Variants in CPSF4 observed in about 807,000 individuals in gnomAD.
The protein encoded by CPSF4 is cleavage and polyadenylation specificity factor subunit 4.
Under a neutral mutation model 37.7 loss-of-function variants are expected in CPSF4, and 11 were observed. The observed-to-expected ratio is 0.29, with a 90% CI of 0.18 to 0.48. The LOEUF (loss-of-function observed/expected upper bound fraction) is 0.48, where lower values mean the gene tolerates loss of function less well. CPSF4 is among the 20% of genes least tolerant of loss of function. CPSF4 has a pLI of 0.99. For synonymous variants in CPSF4, 132 were observed against 135.9 expected (o/e 0.97, Z 0.20); for missense variants, 144 against 359.5 (o/e 0.40, Z 4.85).
In CPSF4 at chr7:99,453,693, C is replaced by T. The variant is rs1798092017; in HGVS notation, c.571-273C>T. ...AGTAAGGCCTGATCATGCCCTCGCC[C>T]CACTGCCCCAGAGACCTCCTCTTGT... On this transcript the variant is annotated intron_variant, in intron 6 of 7. Coordinates refer to ENST00000292476, the MANE Select transcript of CPSF4 (RefSeq NM_006693.4). The surrounding 1 kb of genome is among the most constrained non-coding windows in gnomAD (Gnocchi z 4.7). 2.5e-6 allele frequency: 1 copy of T among 398,152 alleles called. No individual in the cohort carries two copies. The highest frequency in any genetic ancestry group is 2.1e-5 in the African/African-American group (1 of 48,272). The allele number at this position is 398,152 out of a possible 1,614,324, so 24.7% of individuals were successfully genotyped here. A position where few individuals can be genotyped will look rare whatever the true frequency, so the allele number is the denominator to read the frequency against.
chr7:99,448,430 G>A lies in CPSF4; in HGVS notation c.307+157G>A, dbSNP rs1797691783. 2 of 671,106 alleles carry A rather than the reference G, an allele frequency of 3.0e-6. No homozygotes were observed. The highest frequency in any genetic ancestry group is 6.0e-5 in the East Asian group (2 of 33,444). The allele number at this position is 671,106 out of a possible 1,614,324, so 41.6% of individuals were successfully genotyped here. On this transcript the variant is annotated intron_variant, in intron 3 of 7. Coordinates refer to ENST00000292476, the MANE Select transcript of CPSF4 (RefSeq NM_006693.4). The surrounding 1 kb of genome is among the most constrained non-coding windows in gnomAD (Gnocchi z 4.4). ...CCTGCCAGCCTCAGCCAGCTTTTAG[G>A]GGACAGTGTGGCTATTTTCTGCTCA... is the stretch of plus-strand genomic sequence containing the variant.
In CPSF4 at chr7:99,456,631, A is replaced by AG; in HGVS notation, c.*135dup. The AG allele has an allele frequency of 1.3e-6, 1 of 749,490 alleles. No individual in the cohort carries two copies. Among genetic ancestry groups the AG allele is most frequent in the Non-Finnish European group, 2.4e-6 (1 of 424,446 alleles). The allele number at this position is 749,490 out of a possible 1,614,324, so 46.4% of individuals were successfully genotyped here. A position where few individuals can be genotyped will look rare whatever the true frequency, so the allele number is the denominator to read the frequency against. The stretch of plus-strand genomic sequence containing the variant: ...CAGACACGTGGGTTTCATCACTCTG[A>AG]GGGGCCACGTCTGTTAGTTTCCTAT... On this transcript the variant is annotated 3_prime_UTR_variant, in exon 8 of 8. Transcript: ENST00000292476.
intron 2 of CPSF4, among the ~76,000 whole-genome samples, chr7:99,446,771 CTTTTTTTTTTTTTTTTT>C (rs762892785): frequency 1.6e-3 from 47 of 29,124 alleles, no homozygotes; most frequent in East Asian, 9.7e-3. Flanking sequence ...CCATACCCAG[CTTTTTTTTTTTTTTTTT>C]TTTTTTTTTT....
rs780385062 is a variant in CPSF4 at position 99,453,721 on chromosome 7, C to CT, written c.571-242dup. On this transcript the variant is annotated intron_variant, in intron 6 of 7. Transcript: ENST00000292476. This position sits in a 1 kb window ranked among gnomAD's most constrained non-coding sequence, Gnocchi z 4.7. ...CTGCCCCAGAGACCTCCTCTTGTCT[C>CT]TTTGATGTTTTGTTTTCTATTTTAT... The CT allele has an allele frequency of 7.7e-5, 37 of 479,314 alleles. No individual in the cohort carries two copies. Among genetic ancestry groups the CT allele is most frequent in the Non-Finnish European group, 1.2e-4 (33 of 270,346 alleles). 29.7% of individuals were successfully genotyped at this position (479,314 alleles called of 1,614,324 possible).
At position 99,448,949 on chromosome 7, in the gene CPSF4, T is replaced by G. The variant is rs1562861456; in HGVS notation, c.307+676T>G. 6.6e-6 allele frequency: 1 copy of G among 152,642 alleles called. No individual in the cohort carries two copies. The highest frequency in any genetic ancestry group is 1.9e-4 in the East Asian group (1 of 5,204). The allele number at this position is 152,642 out of a possible 1,614,324, so 9.5% of individuals were successfully genotyped here. On this transcript the variant is annotated intron_variant, in intron 3 of 7. Transcript: ENST00000292476. This position sits in a 1 kb window ranked among gnomAD's most constrained non-coding sequence, Gnocchi z 4.4. ...GTGGCCTCAGCTGTCCTGAGTGGCC[T>G]GCGTGGAGAAGCGGGAGCCCGGGTG...
At chr7:99,443,408 T>G (rs1797197894) in intron 1 of CPSF4, 1 of 1,457,786 alleles carries the variant, frequency 6.9e-7, no homozygotes, top group African/African-American at 1.4e-5. Context: ...GATCTTGCTT[T>G]ATTCCCTTGG....
At position 99,448,091 on chromosome 7, in the gene CPSF4, G is replaced by C. The variant is rs1308546857; in HGVS notation, c.155-30G>C. On this transcript the variant is annotated intron_variant, in intron 2 of 7. Transcript: ENST00000292476. This position sits in a 1 kb window ranked among gnomAD's most constrained non-coding sequence, Gnocchi z 4.4. ...CCCCCAGGCTCAGGGTGGCCTCTCT[G>C]CTGACACCCTGTCCCTATCTTGCCG... 1.2e-6 allele frequency: 2 copies of C among 1,610,854 alleles called. No individual in the cohort carries two copies. Among genetic ancestry groups the C allele is most frequent in the Non-Finnish European group, 1.7e-6 (2 of 1,178,434 alleles).
At chr7:99,450,601 C>G in intron 4 of CPSF4, 101 bp from the exon 5 acceptor site, 3 of 1,008,876 alleles carry the variant, frequency 3.0e-6, no homozygotes, top group Non-Finnish European at 4.7e-6. Flanking sequence ...AGGTCCCTGC[C>G]CCGTCTCCCA....
At chr7:99,450,633 T>G in intron 4 of CPSF4, 69 bp from the exon 5 acceptor site, 1 of 1,286,006 alleles carries the variant, frequency 7.8e-7, no homozygotes, top group Non-Finnish European at 1.1e-6. Context: ...CAGCCAGCAT[T>G]TGAAACCATG....
At chr7:99,440,902 CCCT>C (rs1796919710) in intron 1 of CPSF4, among the ~76,000 whole-genome samples, 1 of 150,292 alleles carries the variant, frequency 6.7e-6, no homozygotes, top group South Asian at 2.1e-4. Flanking sequence ...TCTTACCTAC[CCCT>C]CGACTCTTGT....
chr7:99,450,618 G>A, intron 4 of CPSF4, 84 bp from the exon 5 acceptor site: 1 of 1,158,810 alleles, frequency 8.6e-7, no homozygotes, highest in Middle Eastern at 2.0e-4. Context: ...CCCATGAATG[G>A]GGGACAGCCA....
intron 7 of CPSF4, among the ~76,000 whole-genome samples, chr7:99,454,790 G>C (rs183052635): frequency 2.6e-5 from 4 of 152,316 alleles, no homozygotes; most frequent in Admixed American, 2.6e-4. Flanking sequence ...GTGTGTCCCT[G>C]GCACGTGGCA....
chr7:99,448,114 C>T lies in CPSF4; in HGVS notation c.155-7C>T. On this transcript the variant is annotated splice_region_variant and splice_polypyrimidine_tract_variant and intron_variant, in intron 2 of 7. Coordinates refer to ENST00000292476, the MANE Select transcript of CPSF4 (RefSeq NM_006693.4). The surrounding 1 kb of genome is among the most constrained non-coding windows in gnomAD (Gnocchi z 4.4). ...CTGCTGACACCCTGTCCCTATCTTG[C>T]CGGCAGGGGGCATGTGTCCGTTTCG... 1.9e-6 allele frequency: 3 copies of T among 1,613,314 alleles called. No individual in the cohort carries two copies. Among genetic ancestry groups the T allele is most frequent in the Non-Finnish European group, 2.5e-6 (3 of 1,179,638 alleles).
rs1269966711 is a variant in CPSF4, at chr7:99,440,672, ATATTTT to A, written c.103+1489_103+1494del. 4.4e-4 allele frequency among the ~76,000 whole-genome samples: 36 copies of A among 81,936 alleles called. 1 individual carries two copies. The highest frequency in any genetic ancestry group is 3.7e-3 in the African/African-American group (28 of 7,534). The allele number at this position is 81,936 out of a possible 152,430, so 53.8% of individuals were successfully genotyped here. A position where few individuals can be genotyped will look rare whatever the true frequency, so the allele number is the denominator to read the frequency against. ...GCACCTGGCATATATATATATATAT[ATATTTT>A]TTTTTTTTTTTTTTTCCTGCCTGTC... On this transcript the variant is annotated intron_variant, in intron 1 of 7. Coordinates refer to ENST00000292476, the MANE Select transcript of CPSF4 (RefSeq NM_006693.4).
intron 1 of CPSF4, chr7:99,442,855 G>C: frequency 9.7e-7 from 1 of 1,035,702 alleles, no homozygotes; most frequent in South Asian, 1.3e-5. Context: ...GAAAACACTG[G>C]AGAACAGAAA....
intron 2 of CPSF4, among the ~76,000 whole-genome samples, chr7:99,445,774 C>CT (rs1797442299): frequency 6.6e-6 from 1 of 152,080 alleles, no homozygotes; most frequent in South Asian, 2.1e-4. Context: ...ATCCCAGCTA[C>CT]TGGGGAGGCT....
intron 2 of CPSF4, 123 bp downstream of exon 2, chr7:99,444,962 T>C: frequency 1.2e-6 from 1 of 849,980 alleles, no homozygotes; most frequent in Non-Finnish European, 1.9e-6. Context: ...ACGATCTCTG[T>C]AGATAAAACT....
At chr7:99,443,497 C>T (rs1175797522) in intron 1 of CPSF4, 7 of 787,112 alleles carry the variant, frequency 8.9e-6, no homozygotes, top group Non-Finnish European at 1.6e-5. Context: ...CAGTTACCAT[C>T]TTGTTACCCC....
chr7:99,452,431 T>C lies in CPSF4; in HGVS notation c.561T>C (p.Pro187=). Residue 187 remains proline (P), a synonymous_variant, in exon 6 of 8, where the codon CCT becomes CCC. Coordinates refer to ENST00000292476, the MANE Select transcript of CPSF4 (RefSeq NM_006693.4). ...EQPPLPQQTQ[P]PAKQSNNPPL... ...CCCCACTGCCGCAGCAGACACAGCC[T>C]CCAGCAAAGGTACCGTGCCTGGCCT... The C allele has an allele frequency of 6.2e-7, 1 of 1,613,596 alleles. No homozygotes were observed. Among genetic ancestry groups the C allele is most frequent in the Non-Finnish European group, 8.5e-7 (1 of 1,179,838 alleles).
Sources: gnomAD v4.1 joint callset for allele counts (sites outside exome capture counted in the v4.1 genomes callset) on GRCh38, gnomAD v4.1.1 for gene constraint, Gnocchi (gnomAD v3.1) non-coding constraint, MANE v1.5 for transcripts, NCBI Gene and HGNC (gene_info 2026-07-23, HGNC 2026-07-21) for gene names.